The following GALNT13 variants were observed in gnomAD, a reference collection of about 807,000 sequenced individuals.
The protein encoded by GALNT13 is polypeptide N-acetylgalactosaminyltransferase 13.
A neutral mutation model predicts 64.2 loss-of-function variants in GALNT13; 28 were observed. The observed-to-expected ratio is 0.44, with a 90% CI of 0.32 to 0.60. GALNT13 has a LOEUF of 0.60. Among genes scored for constraint, GALNT13 ranks in the 20% least tolerant of loss-of-function variants. GALNT13 has a pLI of 0.05. For synonymous variants in GALNT13, 214 were observed against 224.6 expected, an observed-to-expected ratio of 0.95 and a Z score of 0.42; for missense variants, 577 against 669.8, an observed-to-expected ratio of 0.86 and a Z score of 1.53.
chr2:153,637,533 T>C, the GALNT13 span, among the ~76,000 whole-genome samples: 1 of 152,168 alleles, frequency 6.6e-6, no homozygotes, highest in African/African-American at 2.4e-5. Flanking sequence ...TATTACTTCT[T>C]ATCAGGCTTG....
the GALNT13 span, among the ~76,000 whole-genome samples, chr2:153,506,502 G>T: frequency 3.3e-5 from 5 of 152,100 alleles, no homozygotes; most frequent in African/African-American, 1.2e-4. Flanking sequence ...AATATTTAGA[G>T]CTCTTTGAGC....
the GALNT13 span, among the ~76,000 whole-genome samples, chr2:153,726,485 A>T: frequency 6.6e-6 from 1 of 152,360 alleles, no homozygotes; most frequent in Non-Finnish European, 1.5e-5. Context: ...TAAATTTGAT[A>T]AAATGTACTC....
chr2:153,813,400 C>T, the GALNT13 span, among the ~76,000 whole-genome samples: 4 of 152,128 alleles, frequency 2.6e-5, no homozygotes, highest in Non-Finnish European at 5.9e-5. Flanking sequence ...GATGCATGTC[C>T]TTAATTTTCC....
At chr2:153,226,659 T>C in the GALNT13 span, among the ~76,000 whole-genome samples, 1 of 152,084 alleles carries the variant, frequency 6.6e-6, no homozygotes, top group South Asian at 2.1e-4. Flanking sequence ...GTCAAACTTA[T>C]CAAAAACAAG....
At chr2:153,337,475 T>G in the GALNT13 span, among the ~76,000 whole-genome samples, 1 of 152,206 alleles carries the variant, frequency 6.6e-6, no homozygotes, top group Non-Finnish European at 1.5e-5. Context: ...TCTATAACAC[T>G]CAGAATCTGT....
At chr2:153,630,797 ATATATATATAT>A in the GALNT13 span, among the ~76,000 whole-genome samples, 105 of 16,474 alleles carry the variant, frequency 6.4e-3, 1 homozygote, top group South Asian at 0.13. Flanking sequence ...ATATATATAT[ATATATATATAT>A]TTTTTTTTTT....
the GALNT13 span, among the ~76,000 whole-genome samples, chr2:153,675,850 G>A: frequency 3.3e-5 from 5 of 152,018 alleles, no homozygotes; most frequent in East Asian, 9.7e-4. Context: ...AAAATTTTTG[G>A]GACATGGCTA....
the GALNT13 span, among the ~76,000 whole-genome samples, chr2:153,222,339 G>T: frequency 6.9e-6 from 1 of 143,996 alleles, no homozygotes; most frequent in Non-Finnish European, 1.6e-5. Context: ...GGGTGGGGGG[G>T]GGGGTTGGGC....
intron 3 of GALNT13, among the ~76,000 whole-genome samples, chr2:154,037,122 T>G (rs976924890): frequency 4.6e-5 from 7 of 152,188 alleles, no homozygotes; most frequent in African/African-American, 1.7e-4. Context: ...TGTTTATTTT[T>G]TTAATGCAAT....
chr2:153,831,904 A>G, the GALNT13 span, among the ~76,000 whole-genome samples: 2 of 152,168 alleles, frequency 1.3e-5, no homozygotes, highest in Non-Finnish European at 1.5e-5. Context: ...ACATATTTCT[A>G]GTTAATTATG....
At chr2:153,248,672 T>C in the GALNT13 span, among the ~76,000 whole-genome samples, 6 of 151,352 alleles carry the variant, frequency 4.0e-5, no homozygotes, top group Non-Finnish European at 8.9e-5. Flanking sequence ...AAAAATTAGC[T>C]GGGCGTGGTG....
At chr2:153,478,043 T>A in the GALNT13 span, 1 of 594,440 alleles carries the variant, frequency 1.7e-6, no homozygotes, top group East Asian at 2.8e-5. Context: ...CTGGGCGCTC[T>A]CCTCCGACTG....
the GALNT13 span, among the ~76,000 whole-genome samples, chr2:153,671,756 C>A: frequency 1.4e-4 from 22 of 152,174 alleles, no homozygotes; most frequent in South Asian, 4.6e-3. Flanking sequence ...CATAGACTGG[C>A]AAATTGGATA....
chr2:153,815,372 C>T, the GALNT13 span, among the ~76,000 whole-genome samples: 1 of 152,182 alleles, frequency 6.6e-6, no homozygotes, highest in Admixed American at 6.5e-5. Flanking sequence ...TGCATATAAA[C>T]CTGATATGTA....
the GALNT13 span, among the ~76,000 whole-genome samples, chr2:153,819,122 C>T: frequency 1.3e-5 from 2 of 152,272 alleles, no homozygotes; most frequent in South Asian, 4.1e-4. Flanking sequence ...CCGACTCAAC[C>T]ATCCAATATC....
the GALNT13 span, among the ~76,000 whole-genome samples, chr2:153,839,085 G>A: frequency 1.3e-4 from 20 of 151,740 alleles, no homozygotes; most frequent in East Asian, 2.7e-3. Context: ...TGTAGTGTAC[G>A]TAAATGCAAC....
chr2:154,140,536 TATTC>T, intron 4 of GALNT13, 31 bp downstream of exon 4: 2 of 1,449,602 alleles, frequency 1.4e-6, no homozygotes, highest in Non-Finnish European at 1.9e-6. Context: ...TAATCTTTTA[TATTC>T]ATAATCACCA....
the GALNT13 span, among the ~76,000 whole-genome samples, chr2:153,090,081 C>G: frequency 1.3e-5 from 2 of 152,174 alleles, no homozygotes; most frequent in African/African-American, 4.8e-5. Context: ...TGTTTCCAGT[C>G]TGGAAACACT....
chr2:153,134,720 C>T, the GALNT13 span, among the ~76,000 whole-genome samples: 1 of 152,144 alleles, frequency 6.6e-6, no homozygotes, highest in Non-Finnish European at 1.5e-5. Context: ...AATATTCCCT[C>T]CAGGGAAGCT....
Sources: gnomAD v4.1 joint callset for allele counts (sites outside exome capture counted in the v4.1 genomes callset) on GRCh38, gnomAD v4.1.1 for gene constraint, MANE v1.5 for transcripts, NCBI Gene and HGNC (gene_info 2026-07-23, HGNC 2026-07-21) for gene names.